The following TRARG1 variants were observed in gnomAD, a reference collection of about 807,000 sequenced individuals.
TRARG1 encodes trafficking regulator of GLUT4 (SLC2A4) 1 (gene/pseudogene), also known as trafficking regulator of GLUT4 1.
A neutral mutation model predicts 13.3 loss-of-function variants in TRARG1; 16 were observed. The observed-to-expected ratio is 1.20, with a 90% CI of 0.81 to 1.83. The LOEUF is 1.83. TRARG1 is among the 40% of genes most tolerant of loss of function. The probability of loss-of-function intolerance (pLI) is 0.00; values close to 1 mark genes in which losing one functional copy is unlikely to be tolerated. For synonymous variants in TRARG1, 113 were observed against 106.2 expected (o/e 1.06, Z -0.39); for missense variants, 250 against 237.4 (o/e 1.05, Z -0.35).
At chr17:1,283,812 AAAAAT>A (rs929116163) in intron 1 of TRARG1, among the ~76,000 whole-genome samples, 6 of 149,946 alleles carry the variant, frequency 4.0e-5, no homozygotes, top group Non-Finnish European at 8.9e-5. Flanking sequence ...CTATCTCAAA[AAAAAT>A]AAAATAAAAT....
intron 1 of TRARG1, among the ~76,000 whole-genome samples, chr17:1,291,358 G>T (rs952189974): frequency 6.6e-6 from 1 of 152,190 alleles, no homozygotes; most frequent in Non-Finnish European, 1.5e-5. Context: ...TGATCCACCT[G>T]CCTCGGCCTC....
At chr17:1,297,674 G>A (rs373496168) in intron 2 of TRARG1, among the ~76,000 whole-genome samples, 2 of 147,612 alleles carry the variant, frequency 1.4e-5, no homozygotes, top group South Asian at 4.2e-4. Flanking sequence ...CACAATCTCG[G>A]CTCACTGCAA....
At position 1,298,230 on chromosome 17, in the gene TRARG1, A is replaced by G. The variant is rs2072126459; in HGVS notation, c.521-21A>G. On this transcript the variant is annotated intron_variant, in intron 2 of 2. Transcript: ENST00000333813. ...AGTGTTCTGAGCCCTGTTCTGCCATATCTGTTTTTTTTCTTTACAGTTCAG... is the reference window on the plus strand; with the variant it reads ...AGTGTTCTGAGCCCTGTTCTGCCATGTCTGTTTTTTTTCTTTACAGTTCAG... The G allele has an allele frequency of 6.2e-6, 10 of 1,613,586 alleles. No homozygotes were observed. The African/African-American group carries it at 1.2e-4, about 19-fold the overall frequency.
In TRARG1 at chr17:1,298,998, C is replaced by A. The variant is rs1332777128; in HGVS notation, c.*734C>A. The A allele has an allele frequency of 6.6e-6, 1 of 152,338 alleles. No homozygotes were observed. Among genetic ancestry groups the A allele is most frequent in the Non-Finnish European group, 1.5e-5 (1 of 68,110 alleles). The allele number at this position is 152,338 out of a possible 1,614,324, so 9.4% of individuals were successfully genotyped here. ...ACACCTGTCAGCTTCGGAAGCATCT[C>A]TCGAGGACTCTGGTCCCAGGATGTC... On this transcript the variant is annotated 3_prime_UTR_variant, in exon 3 of 3. Coordinates refer to ENST00000333813, the MANE Select transcript of TRARG1 (RefSeq NM_172367.3).
chr17:1,289,682 T>C (rs2072056757), intron 1 of TRARG1, among the ~76,000 whole-genome samples: 1 of 151,390 alleles, frequency 6.6e-6, no homozygotes. Flanking sequence ...TATGAGTCAG[T>C]GTTCCCCACA....
Position 1,279,910 on chromosome 17 carries a change from C to T in TRARG1, c.-92C>T. 6.9e-7 allele frequency: 1 copy of T among 1,445,010 alleles called. No individual in the cohort carries two copies. The allele number at this position is 1,445,010 out of a possible 1,614,324, so 89.5% of individuals were successfully genotyped here. A position where few individuals can be genotyped will look rare whatever the true frequency, so the allele number is the denominator to read the frequency against. On this transcript the variant is annotated 5_prime_UTR_variant, in exon 1 of 3. Coordinates refer to ENST00000333813, the MANE Select transcript of TRARG1 (RefSeq NM_172367.3). Reference sequence around the variant, plus strand: ...GACGCCCCTGCCCCCGACCTGGAGGCCCTCAGTCTGGGCTGGGGAATGGCG... The same window carrying T: ...GACGCCCCTGCCCCCGACCTGGAGGTCCTCAGTCTGGGCTGGGGAATGGCG...
intron 1 of TRARG1, among the ~76,000 whole-genome samples, chr17:1,291,307 T>G (rs577680133): frequency 6.6e-6 from 1 of 152,256 alleles, no homozygotes; most frequent in East Asian, 1.9e-4. Context: ...GACAGGGTTT[T>G]GCCATGTTGG....
At position 1,294,535 on chromosome 17, in the gene TRARG1, T is replaced by C. The variant is rs753483448; in HGVS notation, c.388-956T>C. Among the ~76,000 whole-genome samples the C allele has an allele frequency of 3.1e-3, 454 of 144,694 alleles. 1 individual carries two copies. The highest frequency in any genetic ancestry group is 0.011 in the Middle Eastern group (3 of 276). 94.9% of individuals were successfully genotyped at this position (144,694 alleles called of 152,430 possible). A position where few individuals can be genotyped will look rare whatever the true frequency, so the allele number is the denominator to read the frequency against. On this transcript the variant is annotated intron_variant, in intron 1 of 2. Transcript: ENST00000333813. ...AGGCTGGAGTGCAATGGCGCAATCT[T>C]GGCTCACTGCAACCTCCACCTCTGG...
chr17:1,298,192 G>C lies in TRARG1; in HGVS notation c.521-59G>C. ...CAGAAACCCAAATCCTCCAGTCAGGGACTTGAAGAGCCAGTGTTCTGAGCC... is the reference window on the plus strand; with the variant it reads ...CAGAAACCCAAATCCTCCAGTCAGGCACTTGAAGAGCCAGTGTTCTGAGCC... On this transcript the variant is annotated intron_variant, in intron 2 of 2. Transcript: ENST00000333813. 3.7e-6 allele frequency: 6 copies of C among 1,610,700 alleles called. No individual in the cohort carries two copies. In the South Asian group the frequency reaches 6.6e-5, roughly 18 times the overall value.
intron 1 of TRARG1, among the ~76,000 whole-genome samples, chr17:1,282,519 C>T (rs533725578): frequency 3.3e-5 from 5 of 150,090 alleles, no homozygotes; most frequent in Admixed American, 6.7e-5. Context: ...TACAGGAGCC[C>T]ACCACCACAC....
chr17:1,294,849 C>A (rs1454695370), intron 1 of TRARG1, among the ~76,000 whole-genome samples: 1 of 152,120 alleles, frequency 6.6e-6, no homozygotes, highest in Non-Finnish European at 1.5e-5. Flanking sequence ...CCACGCCCAG[C>A]TAATTTTTGT....
chr17:1,282,864 AT>A (rs2071993788), intron 1 of TRARG1, among the ~76,000 whole-genome samples: 1 of 151,482 alleles, frequency 6.6e-6, no homozygotes. Context: ...TAATTTTTGT[AT>A]TTTTAGTAGA....
chr17:1,288,158 C>T (rs2072036805), intron 1 of TRARG1, among the ~76,000 whole-genome samples: 1 of 152,078 alleles, frequency 6.6e-6, no homozygotes, highest in Non-Finnish European at 1.5e-5. Flanking sequence ...GTTGTATTTG[C>T]TCTGCCATCA....
chr17:1,296,873 G>A (rs986894470), intron 2 of TRARG1, among the ~76,000 whole-genome samples: 22 of 151,918 alleles, frequency 1.4e-4, no homozygotes, highest in African/African-American at 4.4e-4. Flanking sequence ...TCGAACTCCC[G>A]ACCTCAGGTG....
chr17:1,282,016 A>G (rs193213122), intron 1 of TRARG1, among the ~76,000 whole-genome samples: 11 of 145,864 alleles, frequency 7.5e-5, no homozygotes, highest in South Asian at 4.4e-4. Context: ...ACATATGTAC[A>G]TATACATATG....
chr17:1,290,920 T>TTC (rs1555631779), intron 1 of TRARG1, among the ~76,000 whole-genome samples: 3 of 151,152 alleles, frequency 2.0e-5, no homozygotes, highest in African/African-American at 4.9e-5. Context: ...TTTTTTTTTT[T>TTC]CTGAGCCAGA....
chr17:1,283,007 G>A (rs567191930), intron 1 of TRARG1, among the ~76,000 whole-genome samples: 4 of 152,140 alleles, frequency 2.6e-5, no homozygotes, highest in African/African-American at 9.6e-5. Context: ...ACGTTTTTGA[G>A]TCAGGTGTGA....
At chr17:1,284,890 C>T (rs1050066369) in intron 1 of TRARG1, among the ~76,000 whole-genome samples, 7 of 151,928 alleles carry the variant, frequency 4.6e-5, no homozygotes, top group African/African-American at 1.7e-4. Context: ...CTGTGTTAGC[C>T]AGGATGGTCT....
chr17:1,291,093 A>G (rs1050272374), intron 1 of TRARG1, among the ~76,000 whole-genome samples: 92 of 151,466 alleles, frequency 6.1e-4, no homozygotes, highest in Non-Finnish European at 1.1e-3. Context: ...TTTAGTAGAG[A>G]CGGGGTTTCA....
Sources: gnomAD v4.1 joint callset for allele counts (sites outside exome capture counted in the v4.1 genomes callset) on GRCh38, gnomAD v4.1.1 for gene constraint, MANE v1.5 for transcripts, NCBI Gene and HGNC (gene_info 2026-07-23, HGNC 2026-07-21) for gene names.